Variants in CFH observed in about 807,000 individuals in gnomAD.
CFH encodes complement factor H.
A neutral mutation model predicts 147.3 loss-of-function variants in CFH; 53 were observed. The ratio of observed to expected loss-of-function variants is 0.36; its 90% CI spans 0.29 to 0.45. The LOEUF is 0.45. Ranked by LOEUF, CFH falls within the 20% of genes least tolerant of loss-of-function variation. CFH has a pLI of 1.00. For missense variants in CFH, 1,380 were observed against 1,498.0 expected (o/e 0.92, Z 1.30); for synonymous variants, 536 against 489.4 (o/e 1.10, Z -1.26).
At chr1:196,668,068 T>A (rs1183361856) in intron 1 of CFH, among the ~76,000 whole-genome samples, 2 of 152,160 alleles carry the variant, frequency 1.3e-5, no homozygotes, top group Non-Finnish European at 2.9e-5. Context: ...TCAAGGCTCT[T>A]TTTTATTTGA....
intron 7 of CFH, among the ~76,000 whole-genome samples, chr1:196,688,263 T>C (rs952103096): frequency 2.0e-5 from 3 of 152,016 alleles, no homozygotes; most frequent in African/African-American, 7.2e-5. Context: ...ATAAACAAGA[T>C]AGCACTCAAA....
chr1:196,694,764 G>T (rs1240470184), intron 9 of CFH, among the ~76,000 whole-genome samples: 1 of 152,210 alleles, frequency 6.6e-6, no homozygotes, highest in African/African-American at 2.4e-5. Context: ...GTGACAATAA[G>T]CTTGTTTTCA....
At position 196,709,762 on chromosome 1, in the gene CFH, C is replaced by T. The variant is rs1668680541; in HGVS notation, c.1337-3973C>T. On this transcript the variant is annotated intron_variant, in intron 9 of 21. Coordinates refer to ENST00000367429, the MANE Select transcript of CFH (RefSeq NM_000186.4). ...AAGACATTGTGAGATGATAATCTTT[C>T]TGCATGAGTTTCTCCTTTAGGTTCT... Among the ~76,000 whole-genome samples, 6 of 152,182 alleles carry T rather than the reference C, an allele frequency of 3.9e-5. No homozygotes were observed. In the South Asian group the frequency reaches 1.2e-3, roughly 32 times the overall value.
At chr1:196,718,600 A>G (rs10922104) in intron 11 of CFH, among the ~76,000 whole-genome samples, 66,608 of 151,730 alleles carry the variant, frequency 0.44, 14,773 homozygotes, top group South Asian at 0.56. Flanking sequence ...AGAGACTCAT[A>G]AATTTCTTTT....
intron 2 of CFH, among the ~76,000 whole-genome samples, 183 bp from the exon 3 acceptor site, chr1:196,673,674 A>G (rs1667360653): frequency 6.6e-6 from 1 of 152,142 alleles, no homozygotes; most frequent in Non-Finnish European, 1.5e-5. Flanking sequence ...GTCATCCTCC[A>G]AAATTAAAAA....
At chr1:196,707,278 C>T (rs1668612494) in intron 9 of CFH, among the ~76,000 whole-genome samples, 2 of 152,152 alleles carry the variant, frequency 1.3e-5, no homozygotes, top group African/African-American at 4.8e-5. Context: ...AAATTAAGCC[C>T]TTTAAAAATT....
At chr1:196,692,750 CTTTCTTTCTT>C (rs1668089098) in intron 9 of CFH, among the ~76,000 whole-genome samples, 6 of 7,768 alleles carry the variant, frequency 7.7e-4, no homozygotes, top group Non-Finnish European at 8.3e-4. Flanking sequence ...CTTTCTTTTT[CTTTCTTTCTT>C]TCTTTCTTTC....
At chr1:196,714,682 G>T (rs868472981) in intron 10 of CFH, among the ~76,000 whole-genome samples, 216 of 67,092 alleles carry the variant, frequency 3.2e-3, no homozygotes, top group Non-Finnish European at 4.6e-3. Flanking sequence ...GAGAGAGAGA[G>T]AGAGAGAGAG....
Position 196,673,135 on chromosome 1 carries a change from T to C in CFH, c.216T>C (p.Val72=). The change falls in exon 2 of 22, where the codon GTT becomes GTC. Residue 72 remains valine (V), a synonymous_variant. Transcript: ENST00000367429. ...TGGTATGCAGGAAGGGAGAATGGGTTGCTCTTAATCCATTAAGGAAATGTC... is the reference window on the plus strand; with the variant it reads ...TGGTATGCAGGAAGGGAGAATGGGTCGCTCTTAATCCATTAAGGAAATGTC... The part of the protein sequence containing the change: ...VIMVCRKGEW[V]ALNPLRKCQK... 3.1e-6 allele frequency: 5 copies of C among 1,613,718 alleles called. No homozygotes were observed. Among genetic ancestry groups the C allele is most frequent in the Non-Finnish European group, 4.2e-6 (5 of 1,179,746 alleles).
intron 9 of CFH, among the ~76,000 whole-genome samples, chr1:196,702,929 T>C (rs1668496298): frequency 6.6e-6 from 1 of 152,138 alleles, no homozygotes; most frequent in Non-Finnish European, 1.5e-5. Context: ...CTTTGAAGCT[T>C]TCAGAGAATA....
At chr1:196,658,407 ATTTTT>A (rs549213437) in intron 1 of CFH, among the ~76,000 whole-genome samples, 11 of 92,250 alleles carry the variant, frequency 1.2e-4, no homozygotes, top group Admixed American at 9.2e-4. Flanking sequence ...TGCTCAGGTA[ATTTTT>A]TTTTTTTTTT....
chr1:196,659,505 C>A (rs1027399011), intron 1 of CFH, among the ~76,000 whole-genome samples: 1 of 152,206 alleles, frequency 6.6e-6, no homozygotes, highest in African/African-American at 2.4e-5. Context: ...CCTCTCCTTG[C>A]TAAGCAGGGC....
chr1:196,736,645 TATA>T lies in CFH; in HGVS notation c.2414-175_2414-173del, dbSNP rs1187662124. Among the ~76,000 whole-genome samples, 17 of 151,972 alleles carry T rather than the reference TATA, an allele frequency of 1.1e-4. 1 individual carries two copies. Among genetic ancestry groups the T allele is most frequent in the East Asian group, 9.7e-4 (5 of 5,180 alleles). ...ATGTAACTGTTACACAGCTGAAAAG[TATA>T]ATATTTGCATACAAAAACATCATAA... On this transcript the variant is annotated intron_variant, in intron 15 of 21. Transcript: ENST00000367429.
At chr1:196,687,873 G>A (rs1169927718) in intron 7 of CFH, among the ~76,000 whole-genome samples, 1 of 151,890 alleles carries the variant, frequency 6.6e-6, no homozygotes. Flanking sequence ...TAAGATATAT[G>A]GATTGTAGGC....
At chr1:196,744,665 T>C (rs1036999704) in intron 20 of CFH, among the ~76,000 whole-genome samples, 2 of 152,194 alleles carry the variant, frequency 1.3e-5, no homozygotes, top group African/African-American at 4.8e-5. Context: ...GTATTTTCTC[T>C]GCATACATTG....
chr1:196,699,712 C>T (rs111299953), intron 9 of CFH, among the ~76,000 whole-genome samples: 5 of 152,096 alleles, frequency 3.3e-5, no homozygotes, highest in East Asian at 1.9e-4. Flanking sequence ...CATTTGGATG[C>T]GTTACTGTTC....
At chr1:196,740,554 TA>T in intron 17 of CFH, 64 bp from the exon 18 acceptor site, 2 of 1,478,656 alleles carry the variant, frequency 1.4e-6, no homozygotes, top group Non-Finnish European at 1.9e-6. Context: ...TACTTAATAT[TA>T]AAACAGGCAT....
chr1:196,694,179 C>T (rs1417949177), intron 9 of CFH, among the ~76,000 whole-genome samples: 3 of 152,086 alleles, frequency 2.0e-5, no homozygotes, highest in African/African-American at 4.8e-5. Flanking sequence ...CAACAAGCCC[C>T]GGTGTGTGAT....
intron 9 of CFH, among the ~76,000 whole-genome samples, chr1:196,696,082 A>T (rs1019071391): frequency 2.0e-5 from 3 of 152,094 alleles, no homozygotes; most frequent in Admixed American, 1.3e-4. Flanking sequence ...TAACAAAGAT[A>T]TTCCCAATTT....
Sources: gnomAD v4.1 joint callset for allele counts (sites outside exome capture counted in the v4.1 genomes callset) on GRCh38, gnomAD v4.1.1 for gene constraint, MANE v1.5 for transcripts, NCBI Gene and HGNC (gene_info 2026-07-23, HGNC 2026-07-21) for gene names.